The following PTPRM variants were observed in gnomAD, a reference collection of about 807,000 sequenced individuals.
PTPRM encodes protein tyrosine phosphatase receptor type M, also known as receptor-type tyrosine-protein phosphatase mu.
Under a neutral mutation model 186.7 loss-of-function variants are expected in PTPRM, and 47 were observed. The ratio of observed to expected loss-of-function variants is 0.25; its 90% confidence interval spans 0.20 to 0.32. The LOEUF (loss-of-function observed/expected upper bound fraction) is 0.32. PTPRM is among the 10% of genes least tolerant of loss of function. PTPRM has a pLI of 1.00. For synonymous variants in PTPRM, 668 were observed against 674.9 expected (o/e 0.99, Z 0.16); for missense variants, 1,494 against 1,865.0 (o/e 0.80, Z 3.66).
intron 1 of PTPRM, among the ~76,000 whole-genome samples, chr18:7,635,354 G>A (rs1221326799): frequency 6.6e-6 from 1 of 152,068 alleles, no homozygotes; most frequent in Non-Finnish European, 1.5e-5. Context: ...TCTTCCACCA[G>A]GTAAGTAGTA....
At chr18:7,621,303 C>G (rs1161292347) in intron 1 of PTPRM, among the ~76,000 whole-genome samples, 1 of 152,156 alleles carries the variant, frequency 6.6e-6, no homozygotes, top group South Asian at 2.1e-4. Context: ...TAAATTAAGA[C>G]TAAAAGAGTA....
intron 7 of PTPRM, among the ~76,000 whole-genome samples, chr18:8,053,203 T>C (rs1053023081): frequency 6.6e-6 from 1 of 152,186 alleles, no homozygotes; most frequent in Admixed American, 6.5e-5. Flanking sequence ...GGTTTTAGCT[T>C]AGGTTTTCAC....
chr18:7,651,203 G>A (rs2038694326), intron 1 of PTPRM, among the ~76,000 whole-genome samples: 1 of 152,060 alleles, frequency 6.6e-6, no homozygotes, highest in South Asian at 2.1e-4. Context: ...AATTACAGGT[G>A]TTAGCCACCG....
At chr18:7,957,240 C>T (rs2147135839) in intron 7 of PTPRM, among the ~76,000 whole-genome samples, 1 of 151,688 alleles carries the variant, frequency 6.6e-6, no homozygotes, top group East Asian at 1.9e-4. Flanking sequence ...CAGCTATTGA[C>T]ACATTGCTGT....
At chr18:7,666,328 A>G (rs139320161) in intron 1 of PTPRM, among the ~76,000 whole-genome samples, 87 of 152,206 alleles carry the variant, frequency 5.7e-4, no homozygotes, top group African/African-American at 2.0e-3. Context: ...GGAGATTGAA[A>G]TGCAAATGGA....
intron 1 of PTPRM, among the ~76,000 whole-genome samples, chr18:7,679,907 T>C (rs937868573): frequency 6.6e-6 from 1 of 152,002 alleles, no homozygotes; most frequent in Non-Finnish European, 1.5e-5. Context: ...ACTCGGTCAC[T>C]CAGGCTGGAG....
Position 8,126,010 on chromosome 18 carries a change from TATATA to T in PTPRM, c.2167+11184_2167+11188del, listed in dbSNP as rs2092342065. On this transcript the variant is annotated intron_variant, in intron 13 of 32. Coordinates refer to ENST00000580170, the MANE Select transcript of PTPRM (RefSeq NM_001105244.2). ...ATATATATATATATATATATATATATATATATATATATATATATTTTAAATCAGTA... is the reference window on the plus strand; with the variant it reads ...ATATATATATATATATATATATATATTATATATATATATTTTAAATCAGTA... Among the ~76,000 whole-genome samples the T allele has an allele frequency of 2.3e-3, 55 of 23,794 alleles. 3 individuals carry two copies. Among genetic ancestry groups the T allele is most frequent in the African/African-American group, 4.7e-3 (44 of 9,272 alleles). The allele number at this position is 23,794 out of a possible 152,430, so 15.6% of individuals were successfully genotyped here.
chr18:8,344,444 GTGTGTA>G (rs33981826), intron 23 of PTPRM, among the ~76,000 whole-genome samples: 54,094 of 128,152 alleles, frequency 0.42, 11,043 homozygotes, highest in Non-Finnish European at 0.48. Context: ...GTGTGTGTGT[GTGTGTA>G]TATATATATA....
At chr18:8,191,680 GC>G (rs776921414) in intron 14 of PTPRM, among the ~76,000 whole-genome samples, 8 of 152,186 alleles carry the variant, frequency 5.3e-5, no homozygotes, top group Non-Finnish European at 7.3e-5. Context: ...ATGGAAAATG[GC>G]TGCCTATGGG....
chr18:7,952,613 G>GTGAACC (rs2147091675), intron 6 of PTPRM, among the ~76,000 whole-genome samples: 1 of 151,644 alleles, frequency 6.6e-6, no homozygotes, highest in South Asian at 2.1e-4. Flanking sequence ...GGAGAATGGT[G>GTGAACC]TGAACCTGGG....
intron 2 of PTPRM, among the ~76,000 whole-genome samples, chr18:7,835,407 A>G (rs1004414790): frequency 2.0e-5 from 3 of 151,812 alleles, no homozygotes; most frequent in African/African-American, 7.3e-5. Context: ...TCCTCTTGTT[A>G]TTGATTTCTT....
chr18:8,205,959 G>A (rs2093921985), intron 14 of PTPRM, among the ~76,000 whole-genome samples: 1 of 152,060 alleles, frequency 6.6e-6, no homozygotes, highest in Admixed American at 6.5e-5. Context: ...CAGCGTGTGA[G>A]GTCTGTGAAA....
At chr18:7,638,426 G>A (rs1200489358) in intron 1 of PTPRM, among the ~76,000 whole-genome samples, 1 of 152,194 alleles carries the variant, frequency 6.6e-6, no homozygotes, top group Non-Finnish European at 1.5e-5. Context: ...ACTCTGTCAT[G>A]AAAAGAATTA....
At chr18:8,284,453 C>T (rs2094935032) in intron 19 of PTPRM, among the ~76,000 whole-genome samples, 1 of 152,168 alleles carries the variant, frequency 6.6e-6, no homozygotes, top group Non-Finnish European at 1.5e-5. Context: ...GTTATCCTTT[C>T]AGCAGACTGT....
chr18:8,374,651 A>G (rs985942142), intron 24 of PTPRM, among the ~76,000 whole-genome samples: 2 of 152,228 alleles, frequency 1.3e-5, no homozygotes, highest in African/African-American at 2.4e-5. Flanking sequence ...GCAGACAACA[A>G]TATTGATTTG....
At chr18:8,095,355 A>C (rs1458440273) in intron 11 of PTPRM, among the ~76,000 whole-genome samples, 3 of 152,046 alleles carry the variant, frequency 2.0e-5, no homozygotes, top group Non-Finnish European at 2.9e-5. Context: ...GAGGTTAGAT[A>C]TGTGGCAAGG....
chr18:8,288,596 C>G (rs1042478860), intron 19 of PTPRM, among the ~76,000 whole-genome samples: 1 of 152,170 alleles, frequency 6.6e-6, no homozygotes, highest in Non-Finnish European at 1.5e-5. Flanking sequence ...TGGCCTTGTC[C>G]AAGGAATGTT....
chr18:7,935,700 C>G (rs760370686), intron 5 of PTPRM, among the ~76,000 whole-genome samples: 2 of 152,102 alleles, frequency 1.3e-5, no homozygotes, highest in Non-Finnish European at 2.9e-5. Flanking sequence ...AGAGGGTACA[C>G]ATGCAGGTTT....
chr18:7,624,961 T>C (rs1223684893), intron 1 of PTPRM, among the ~76,000 whole-genome samples: 1 of 152,218 alleles, frequency 6.6e-6, no homozygotes, highest in Non-Finnish European at 1.5e-5. Flanking sequence ...CTGCTGCTGC[T>C]GAGTAACCAG....
Sources: allele counts gnomAD v4.1 joint callset (sites outside exome capture counted in the v4.1 genomes callset), GRCh38; gene constraint gnomAD v4.1.1; transcripts MANE v1.5; gene names NCBI Gene and HGNC (gene_info 2026-07-23, HGNC 2026-07-21).